PIK3C2G: variants seen among roughly 807,000 people sequenced by gnomAD.
PIK3C2G encodes phosphatidylinositol-4-phosphate 3-kinase catalytic subunit type 2 gamma, also known as phosphatidylinositol 3-kinase C2 domain-containing subunit gamma.
A neutral mutation model predicts 181.1 loss-of-function variants in PIK3C2G; 168 were observed. The observed-to-expected ratio is 0.93, with a 90% CI of 0.82 to 1.05. PIK3C2G has a LOEUF of 1.05. PIK3C2G is among the 50% of genes least tolerant of loss of function. The probability of loss-of-function intolerance (pLI) is 0.00; values close to 1 mark genes in which losing one functional copy is unlikely to be tolerated. For missense variants in PIK3C2G, 1,869 were observed against 1,732.8 expected (o/e 1.08, Z -1.40); for synonymous variants, 573 against 592.2 (o/e 0.97, Z 0.47).
At chr12:18,308,960 C>A (rs1950532557) in intron 5 of PIK3C2G, among the ~76,000 whole-genome samples, 1 of 151,600 alleles carries the variant, frequency 6.6e-6, no homozygotes, top group African/African-American at 2.4e-5. Flanking sequence ...CAGTCTGTTG[C>A]ACTATGATGA....
At chr12:18,263,263 T>C (rs1292035011) in intron 1 of PIK3C2G, among the ~76,000 whole-genome samples, 1 of 152,114 alleles carries the variant, frequency 6.6e-6, no homozygotes, top group African/African-American at 2.4e-5. Context: ...CTGTAAGTTA[T>C]CTTATTTTTA....
At chr12:18,712,612 C>A in the PIK3C2G span, among the ~76,000 whole-genome samples, 1 of 152,060 alleles carries the variant, frequency 6.6e-6, no homozygotes, top group Admixed American at 6.6e-5. Context: ...CACACACACA[C>A]GAGTAAACAA....
chr12:18,632,488 G>C (rs969494578), intron 31 of PIK3C2G, among the ~76,000 whole-genome samples: 2 of 152,120 alleles, frequency 1.3e-5, no homozygotes, highest in Non-Finnish European at 2.9e-5. Context: ...TAGAGATATA[G>C]AAAACAGATA....
At chr12:18,337,750 G>T (rs1025975277) in intron 8 of PIK3C2G, among the ~76,000 whole-genome samples, 3 of 152,108 alleles carry the variant, frequency 2.0e-5, no homozygotes, top group Admixed American at 2.0e-4. Flanking sequence ...CTCCCACCAG[G>T]CTTCACTTCC....
At chr12:18,606,743 T>G (rs1028224437) in intron 30 of PIK3C2G, among the ~76,000 whole-genome samples, 4 of 152,090 alleles carry the variant, frequency 2.6e-5, no homozygotes, top group Admixed American at 6.6e-5. Flanking sequence ...GACTTTCTGA[T>G]GACCATTGAC....
intron 30 of PIK3C2G, chr12:18,607,134 G>A (rs760403651): frequency 8.7e-5 from 45 of 515,524 alleles, no homozygotes; most frequent in Middle Eastern, 3.2e-4. Context: ...TTCAGGGAAA[G>A]ATGACCACAC....
chr12:18,404,760 A>G (rs959369449), intron 16 of PIK3C2G, among the ~76,000 whole-genome samples: 15 of 152,176 alleles, frequency 9.9e-5, no homozygotes, highest in African/African-American at 3.6e-4. Context: ...TGAGCCAGGT[A>G]GGTACTATGA....
At chr12:18,255,468 C>A (rs1209734887) in intron 1 of PIK3C2G, among the ~76,000 whole-genome samples, 8 of 152,110 alleles carry the variant, frequency 5.3e-5, no homozygotes, top group Admixed American at 5.2e-4. Context: ...TTTTTACTTT[C>A]TTTCTTTTAT....
chr12:18,481,623 T>C (rs536544626), intron 18 of PIK3C2G, among the ~76,000 whole-genome samples: 2 of 152,322 alleles, frequency 1.3e-5, no homozygotes, highest in African/African-American at 2.4e-5. Flanking sequence ...GCAGTGTTAA[T>C]AACCTATTGC....
At chr12:18,633,670 C>G (rs1949459811) in intron 31 of PIK3C2G, among the ~76,000 whole-genome samples, 1 of 152,190 alleles carries the variant, frequency 6.6e-6, no homozygotes, top group South Asian at 2.1e-4. Context: ...CAGTAGTCGT[C>G]CAATTTGCCC....
At chr12:18,267,942 C>G (rs556188763) in intron 1 of PIK3C2G, among the ~76,000 whole-genome samples, 22 of 152,140 alleles carry the variant, frequency 1.4e-4, no homozygotes, top group Admixed American at 1.0e-3. Context: ...AGTCTTAGAA[C>G]GCATGTAGAA....
chr12:18,632,972 T>G (rs1406547910), intron 31 of PIK3C2G, among the ~76,000 whole-genome samples: 1 of 151,944 alleles, frequency 6.6e-6, no homozygotes, highest in Admixed American at 6.6e-5. Context: ...CACATTAAAT[T>G]AACCATCACG....
intron 23 of PIK3C2G, among the ~76,000 whole-genome samples, chr12:18,504,319 A>C (rs940238533): frequency 6.6e-6 from 1 of 152,230 alleles, no homozygotes; most frequent in Non-Finnish European, 1.5e-5. Flanking sequence ...TCTACTTTTT[A>C]GCTGTTCCCA....
the PIK3C2G span, among the ~76,000 whole-genome samples, chr12:18,674,738 A>G: frequency 1.3e-5 from 2 of 152,130 alleles, no homozygotes; most frequent in African/African-American, 4.8e-5. Flanking sequence ...TCTAACTAAC[A>G]CGATAGAGTG....
intron 31 of PIK3C2G, among the ~76,000 whole-genome samples, chr12:18,617,618 T>C (rs1370870622): frequency 6.6e-6 from 1 of 152,164 alleles, no homozygotes; most frequent in East Asian, 1.9e-4. Flanking sequence ...TAGCAGTCTA[T>C]TTTTCTGCTA....
At chr12:18,702,608 C>T in the PIK3C2G span, among the ~76,000 whole-genome samples, 2 of 152,062 alleles carry the variant, frequency 1.3e-5, no homozygotes, top group Non-Finnish European at 1.5e-5. Context: ...CCTTATGATA[C>T]TCTCCACTGC....
At chr12:18,313,809 C>T (rs991557244) in intron 5 of PIK3C2G, among the ~76,000 whole-genome samples, 153 bp from the exon 6 acceptor site, 11 of 31,406 alleles carry the variant, frequency 3.5e-4, no homozygotes, top group Non-Finnish European at 6.9e-4. Flanking sequence ...TATATTCACA[C>T]ACACACACAC....
At chr12:18,248,132 T>C (rs1023935751) in intron 1 of PIK3C2G, 1 of 152,206 alleles carries the variant, frequency 6.6e-6, no homozygotes, top group Non-Finnish European at 1.5e-5. Flanking sequence ...TATTAAATTC[T>C]GAGCTCAAGC....
rs548982449 is a variant in PIK3C2G at position 18,597,196 on chromosome 12, C to T, written c.4087+2627C>T. On this transcript the variant is annotated intron_variant, in intron 30 of 32. Coordinates refer to ENST00000538779, the MANE Select transcript of PIK3C2G (RefSeq NM_001288772.2). Reference sequence around the variant, plus strand: ...GAAACACCAAAACACCGAGAAAAATCGCAACATTGAATATAATTGGGTGGT... The same window carrying T: ...GAAACACCAAAACACCGAGAAAAATTGCAACATTGAATATAATTGGGTGGT... Among the ~76,000 whole-genome samples the T allele has an allele frequency of 1.4e-4, 21 of 151,586 alleles. No homozygotes were observed. The East Asian group carries it at 1.9e-3, about 14-fold the overall frequency.
Sources: allele counts gnomAD v4.1 joint callset (sites outside exome capture counted in the v4.1 genomes callset), GRCh38; gene constraint gnomAD v4.1.1; transcripts MANE v1.5; gene names NCBI Gene and HGNC (gene_info 2026-07-23, HGNC 2026-07-21).